Variants in FLNC observed in about 807,000 individuals in gnomAD.
FLNC encodes filamin-C.
In FLNC, 91 loss-of-function variants were observed where a neutral mutation model predicts 254.3. The ratio of observed to expected loss-of-function variants is 0.36; its 90% CI spans 0.30 to 0.43. The LOEUF (loss-of-function observed/expected upper bound fraction) is 0.43, where lower values mean the gene tolerates loss of function less well. FLNC is among the 20% of genes least tolerant of loss of function. The pLI is 1.00. For missense variants in FLNC, 2,853 were observed against 3,802.6 expected, an observed-to-expected ratio of 0.75 and a Z score of 6.57; for synonymous variants, 1,430 against 1,577.2, an observed-to-expected ratio of 0.91 and a Z score of 2.21.
rs1808677827 is a variant in FLNC at position 128,848,786 on chromosome 7, C to T, written c.4738-7C>T. 2.5e-6 allele frequency: 4 copies of T among 1,614,162 alleles called. No homozygotes were observed. In the East Asian group the frequency reaches 8.9e-5, roughly 36 times the overall value. On this transcript the variant is annotated splice_polypyrimidine_tract_variant and splice_region_variant and intron_variant, in intron 27 of 47. Coordinates refer to ENST00000325888, the MANE Select transcript of FLNC (RefSeq NM_001458.5). ...CAGGCGGGCCTTGACCTCTGCTTCT[C>T]CCTCAGGACCCCGAGGGTAAGCCCA...
In FLNC at chr7:128,841,386, C is replaced by G; in HGVS notation, c.2007+23C>G. 6.2e-7 allele frequency: 1 copy of G among 1,613,900 alleles called. No individual in the cohort carries two copies. The highest frequency in any genetic ancestry group is 8.5e-7 in the Non-Finnish European group (1 of 1,179,838). ...AAGGTGTGGTCCCAGCTCACACACA[C>G]CTGCCCCGGGGGTGGGGCAAGCTGG... On this transcript the variant is annotated intron_variant, in intron 12 of 47. Coordinates refer to ENST00000325888, the MANE Select transcript of FLNC (RefSeq NM_001458.5). The surrounding 1 kb of genome is among the most constrained non-coding windows in gnomAD (Gnocchi z 4.3).
At position 128,858,746 on chromosome 7, in the gene FLNC, T is replaced by C; in HGVS notation, c.*223T>C. On this transcript the variant is annotated 3_prime_UTR_variant, in exon 48 of 48. Transcript: ENST00000325888. This position sits in a 1 kb window ranked among gnomAD's most constrained non-coding sequence, Gnocchi z 6.7. Reference sequence around the variant, plus strand: ...AGGACAGTGTCCCTCCCTGGGAATGTGACATGAGGGCCGACTGGGGCCAGG... The same window carrying C: ...AGGACAGTGTCCCTCCCTGGGAATGCGACATGAGGGCCGACTGGGGCCAGG... 1 of 579,170 alleles carries C rather than the reference T, an allele frequency of 1.7e-6. No homozygotes were observed. Among genetic ancestry groups the C allele is most frequent in the Non-Finnish European group, 3.1e-6 (1 of 322,170 alleles). The allele number at this position is 579,170 out of a possible 1,614,324, so 35.9% of individuals were successfully genotyped here.
Position 128,835,510 on chromosome 7 carries a change from C to G in FLNC, c.537C>G (p.Thr179=). 6.2e-7 allele frequency: 1 copy of G among 1,613,760 alleles called. No individual in the cohort carries two copies. Among genetic ancestry groups the G allele is most frequent in the Non-Finnish European group, 8.5e-7 (1 of 1,180,030 alleles). Residue 179 remains threonine (T), a synonymous_variant, in exon 2 of 48, where the codon ACC becomes ACG. Transcript: ENST00000325888. The surrounding 1 kb of genome is among the most constrained non-coding windows in gnomAD (Gnocchi z 5.3). ...IQNKVPQLPI[T]NFNRDWQDGK... is the part of the protein sequence containing the mutation. ...ACAAGGTGCCCCAGCTGCCCATCAC[C>G]AACTTCAACCGTGACTGGCAGGACG...
chr7:128,838,812 C>T lies in FLNC; in HGVS notation c.1411+9C>T, dbSNP rs1466461133. The T allele has an allele frequency of 6.2e-7, 1 of 1,611,430 alleles. No homozygotes were observed. Among genetic ancestry groups the T allele is most frequent in the Admixed American group, 1.7e-5 (1 of 60,026 alleles). On this transcript the variant is annotated intron_variant, in intron 8 of 47. Transcript: ENST00000325888. ...TGTCCATGTGTCGGAAGGTAAGGGC[C>T]CTTCACTGCTCCCCACGGTAGCCCT...
rs763609852 is a variant in FLNC at position 128,842,266 on chromosome 7, C to T, written c.2157C>T (p.Ile719=). 6 of 1,613,780 alleles carry T rather than the reference C, an allele frequency of 3.7e-6. No homozygotes were observed. The highest frequency in any genetic ancestry group is 5.1e-6 in the Non-Finnish European group (6 of 1,179,998). The change falls in exon 14 of 48, where the codon ATC becomes ATT. Residue 719 remains isoleucine, a synonymous_variant. Transcript: ENST00000325888. This position sits in a 1 kb window ranked among gnomAD's most constrained non-coding sequence, Gnocchi z 5.4. ...GCTGTCCCATCGACATCAAGGTGAT[C>T]CCCAACGGCGACGGCACCTTCCGCT... ...ADGCPIDIKV[I]PNGDGTFRCS...
chr7:128,843,203 C>T (rs756906290), intron 16 of FLNC, 26 bp from the exon 17 acceptor site: 1 of 1,565,046 alleles, frequency 6.4e-7, no homozygotes, highest in Non-Finnish European at 8.7e-7. Context: ...CCTCGAGAGC[C>T]CTGACTGAGC....
rs1175843096 is a variant in FLNC at position 128,856,640 on chromosome 7, G to C, written c.7374G>C (p.Glu2458Asp). 1.9e-6 allele frequency: 3 copies of C among 1,613,082 alleles called. No homozygotes were observed. The South Asian group carries it at 3.3e-5, about 18-fold the overall frequency. ...SGAVEECYVS[E>D]LDSDKHTIRF... Reference sequence around the variant, plus strand: ...CTGTGGAGGAGTGCTACGTCTCTGAGCTGGACAGTGGTGAGCTGGCCCTGC... The same window carrying C: ...CTGTGGAGGAGTGCTACGTCTCTGACCTGGACAGTGGTGAGCTGGCCCTGC... Residue 2458 changes from glutamate to aspartate, a missense_variant, in exon 44 of 48, where the codon GAG becomes GAC. Transcript: ENST00000325888. The surrounding 1 kb of genome is among the most constrained non-coding windows in gnomAD (Gnocchi z 5.9).
rs1808440069 is a variant in FLNC, at chr7:128,843,804, G to A, written c.2820G>A (p.Met940Ile). Residue 940 changes from methionine to isoleucine, a missense_variant, in exon 19 of 48, where the codon ATG (methionine) becomes ATA (isoleucine). Around this residue, in one of 10 missense-constraint regions of FLNC, gnomAD observed 1,573 missense variants for 1,883.5 expected, o/e 0.84. Transcript: ENST00000325888. ...ACCATTGTACCCAACAGGGCAACAT[G>A]GCAGTGACAGTGACTTATGGCGGGG... ...VKYTAVQQGN[M>I]AVTVTYGGDP... 1.9e-6 allele frequency: 3 copies of A among 1,614,000 alleles called. No individual in the cohort carries two copies. Among genetic ancestry groups the A allele is most frequent in the Non-Finnish European group, 2.5e-6 (3 of 1,179,904 alleles).
At position 128,838,584 on chromosome 7, in the gene FLNC, C is replaced by T; in HGVS notation, c.1211-19C>T. 1.2e-6 allele frequency: 2 copies of T among 1,612,546 alleles called. No homozygotes were observed. Among genetic ancestry groups the T allele is most frequent in the East Asian group, 2.2e-5 (1 of 44,878 alleles). ...CTGTGTGTGTCCAGAGTGGTGCTGA[C>T]AGCCTCTGTTTTCGGCAGGGGCCGG... On this transcript the variant is annotated intron_variant, in intron 7 of 47. Coordinates refer to ENST00000325888, the MANE Select transcript of FLNC (RefSeq NM_001458.5).
At position 128,842,190 on chromosome 7, in the gene FLNC, A is replaced by C; in HGVS notation, c.2122-41A>C. On this transcript the variant is annotated intron_variant, in intron 13 of 47. Transcript: ENST00000325888. This position sits in a 1 kb window ranked among gnomAD's most constrained non-coding sequence, Gnocchi z 5.4. The stretch of plus-strand genomic sequence containing the variant: ...CTGCGGCCAGCAGAGGGCGCTCTGC[A>C]GAGGCCACAGCTATGAACTTTGCTT... The C allele has an allele frequency of 6.2e-7, 1 of 1,608,382 alleles. No homozygotes were observed. Among genetic ancestry groups the C allele is most frequent in the Non-Finnish European group, 8.5e-7 (1 of 1,176,702 alleles).
At position 128,837,948 on chromosome 7, in the gene FLNC, G is replaced by C. The variant is rs764631512; in HGVS notation, c.970-39G>C. 5.7e-6 allele frequency: 9 copies of C among 1,571,398 alleles called. No homozygotes were observed. In the East Asian group the frequency reaches 2.0e-4, roughly 35 times the overall value. ...CACTGTGGGGTCAGGAGGGGCTATG[G>C]TCATTGGAGAGGCTTCCAATCTTTT... On this transcript the variant is annotated intron_variant, in intron 5 of 47. Coordinates refer to ENST00000325888, the MANE Select transcript of FLNC (RefSeq NM_001458.5).
At chr7:128,833,619 G>A (rs75856369) in intron 1 of FLNC, among the ~76,000 whole-genome samples, 3 of 84,508 alleles carry the variant, frequency 3.5e-5, no homozygotes, top group African/African-American at 2.2e-4. Context: ...TATACACACC[G>A]CCCCCCCCAA....
intron 35 of FLNC, 45 bp from the exon 36 acceptor site, chr7:128,852,546 C>T (rs762678356): frequency 1.2e-6 from 2 of 1,610,176 alleles, no homozygotes; most frequent in Non-Finnish European, 1.7e-6. Context: ...GAGGGCAGGG[C>T]CTGCCTGGAG....
Position 128,856,114 on chromosome 7 carries a change from C to T in FLNC, c.7252-404C>T, listed in dbSNP as rs1809045562. Among the ~76,000 whole-genome samples the T allele has an allele frequency of 6.6e-6, 1 of 152,228 alleles. No individual in the cohort carries two copies. Among genetic ancestry groups the T allele is most frequent in the African/African-American group, 2.4e-5 (1 of 41,444 alleles). ...CTTCTTCTGGTCCTCCCTGTTGGTC[C>T]ACCTTCTCCAGGAAGCTCTCCCAGG... On this transcript the variant is annotated intron_variant, in intron 43 of 47. Coordinates refer to ENST00000325888, the MANE Select transcript of FLNC (RefSeq NM_001458.5). This position sits in a 1 kb window ranked among gnomAD's most constrained non-coding sequence, Gnocchi z 5.9.
intron 43 of FLNC, among the ~76,000 whole-genome samples, chr7:128,855,638 A>G (rs1465453181): frequency 6.6e-6 from 1 of 152,228 alleles, no homozygotes; most frequent in Non-Finnish European, 1.5e-5. Flanking sequence ...TAAGAATGAG[A>G]GCATAAAATC....
At position 128,841,499 on chromosome 7, in the gene FLNC, G is replaced by A; in HGVS notation, c.2053G>A (p.Asp685Asn). Residue 685 changes from aspartate to asparagine, a missense_variant, in exon 13 of 48, where the codon GAC becomes AAC. Around this residue, in one of 10 missense-constraint regions of FLNC, gnomAD observed 1,573 missense variants for 1,883.5 expected, o/e 0.84. Transcript: ENST00000325888. This position sits in a 1 kb window ranked among gnomAD's most constrained non-coding sequence, Gnocchi z 4.3. Reference sequence around the variant, plus strand: ...CCTGGAGCCTACCGGCTGCATCGTGGACAAGCCCGCTGAGTTCACCATTGA... The same window carrying A: ...CCTGGAGCCTACCGGCTGCATCGTGAACAAGCCCGCTGAGTTCACCATTGA... ...PGLEPTGCIV[D>N]KPAEFTIDAR... 2 of 1,614,156 alleles carry A rather than the reference G, an allele frequency of 1.2e-6. No homozygotes were observed. Among genetic ancestry groups the A allele is most frequent in the Non-Finnish European group, 1.7e-6 (2 of 1,180,026 alleles).
intron 31 of FLNC, 85 bp from the exon 32 acceptor site, chr7:128,850,288 ACCTTGTTCTTT>A: frequency 9.0e-7 from 1 of 1,113,856 alleles, no homozygotes; most frequent in South Asian, 1.2e-5. Context: ...ATGATTAACT[ACCTTGTTCTTT>A]CCTCACTCTC....
Position 128,852,507 on chromosome 7 carries a change from G to T in FLNC, c.5843-84G>T, listed in dbSNP as rs571379135. 501 of 1,518,020 alleles carry T rather than the reference G, an allele frequency of 3.3e-4. 1 individual carries two copies. Among genetic ancestry groups the T allele is most frequent in the Non-Finnish European group, 3.9e-4 (432 of 1,096,172 alleles). The allele number at this position is 1,518,020 out of a possible 1,614,324, so 94.0% of individuals were successfully genotyped here. A position where few individuals can be genotyped will look rare whatever the true frequency, so the allele number is the denominator to read the frequency against. On this transcript the variant is annotated intron_variant, in intron 35 of 47. Transcript: ENST00000325888. ...CCCCGTGTCTGTTGAGTCCAGGGGG[G>T]GCTGCTCAGGAGGGTTCCTGAGCCC...
In FLNC at chr7:128,855,209, G is replaced by A. The variant is rs779162678; in HGVS notation, c.7146G>A (p.Glu2382=). ...SYVVQEPGDY[E]VSIKFNDEHI... is the part of the protein sequence containing the mutation. The stretch of plus-strand genomic sequence containing the variant: ...GGTCTCTCTCCCCAGGTGACTATGA[G>A]GTCTCCATCAAGTTCAATGATGAGC... The change falls in exon 43 of 48, where the codon GAG becomes GAA. Residue 2382 remains glutamate, a synonymous_variant. Transcript: ENST00000325888. 2.2e-5 allele frequency: 35 copies of A among 1,610,598 alleles called. No individual in the cohort carries two copies. Among genetic ancestry groups the A allele is most frequent in the Non-Finnish European group, 2.9e-5 (34 of 1,177,038 alleles).
Sources: allele counts gnomAD v4.1 joint callset (sites outside exome capture counted in the v4.1 genomes callset), GRCh38; gene constraint gnomAD v4.1.1; regional missense constraint gnomAD v4.1.1; non-coding constraint Gnocchi (gnomAD v3.1); transcripts MANE v1.5; gene names NCBI Gene and HGNC (gene_info 2026-07-23, HGNC 2026-07-21).